CPT1A: variants seen among roughly 807,000 people sequenced by gnomAD.
CPT1A encodes carnitine O-palmitoyltransferase 1, liver isoform.
CPT1A carries 64 observed loss-of-function variants against 100.8 expected under a neutral mutation model. The observed-to-expected ratio is 0.63, with a 90% CI of 0.52 to 0.78. The LOEUF (loss-of-function observed/expected upper bound fraction) is 0.78, where lower values mean the gene tolerates loss of function less well. CPT1A is among the 30% of genes least tolerant of loss of function. The pLI is 0.00. For missense variants in CPT1A, 802 were observed against 1,034.1 expected, an observed-to-expected ratio of 0.78 and a Z score of 3.08; for synonymous variants, 363 against 396.0, an observed-to-expected ratio of 0.92 and a Z score of 0.99.
intron 1 of CPT1A, among the ~76,000 whole-genome samples, chr11:68,816,505 G>A (rs889524900): frequency 9.9e-5 from 15 of 152,104 alleles, no homozygotes; most frequent in Admixed American, 9.8e-4. Flanking sequence ...AACTGCTTCC[G>A]GATCTGCTAC....
chr11:68,796,325 G>A (rs938990136), intron 7 of CPT1A, among the ~76,000 whole-genome samples: 2 of 152,074 alleles, frequency 1.3e-5, no homozygotes, highest in African/African-American at 4.8e-5. Context: ...GGGAGGCTGA[G>A]GCAAGTGGAT....
chr11:68,778,356 A>G lies in CPT1A; in HGVS notation c.1458+2284T>C, dbSNP rs1855197934. Among the ~76,000 whole-genome samples, 3 of 152,120 alleles carry G rather than the reference A, an allele frequency of 2.0e-5. No individual in the cohort carries two copies. In the South Asian group the frequency reaches 6.2e-4, roughly 32 times the overall value. On this transcript the variant is annotated intron_variant, in intron 12 of 18. Transcript: ENST00000265641. Reference sequence around the variant, plus strand: ...GAAAAGCCTTCCAGGCAGAGAGGAGAGTGAGTGCGAAGACTTTGCAAGAAA... The same window carrying G: ...GAAAAGCCTTCCAGGCAGAGAGGAGGGTGAGTGCGAAGACTTTGCAAGAAA...
chr11:68,840,823 G>C (rs1391851517), intron 1 of CPT1A, among the ~76,000 whole-genome samples: 1 of 152,244 alleles, frequency 6.6e-6, no homozygotes, highest in Non-Finnish European at 1.5e-5. Flanking sequence ...GCGTGGCCCT[G>C]ACCGCACCGT....
rs568429298 is a variant in CPT1A at position 68,807,871 on chromosome 11, G to A, written c.282-233C>T. ...CCGAAAGTAGCTGGCAGACCCAGGC[G>A]CCCGGGGCGGGCCTGTTTGCTCTCT... On this transcript the variant is annotated intron_variant, in intron 3 of 18. Coordinates refer to ENST00000265641, the MANE Select transcript of CPT1A (RefSeq NM_001876.4). 3.9e-5 allele frequency among the ~76,000 whole-genome samples: 6 copies of A among 152,370 alleles called. No homozygotes were observed. The South Asian group carries it at 8.3e-4, about 21-fold the overall frequency.
intron 12 of CPT1A, among the ~76,000 whole-genome samples, 166 bp from the exon 13 acceptor site, chr11:68,775,598 A>C (rs900652033): frequency 6.6e-6 from 1 of 152,196 alleles, no homozygotes; most frequent in African/African-American, 2.4e-5. Flanking sequence ...TCTGATCTCC[A>C]TGTCAGATGT....
At position 68,757,219 on chromosome 11, in the gene CPT1A, TC is replaced by T. The variant is rs1946709028; in HGVS notation, c.*424del. ...GACACCAACTTGAATAACACATTTT[TC>T]TTTTAACAAAACAAAAGTTTACCCT... On this transcript the variant is annotated 3_prime_UTR_variant, in exon 19 of 19. Coordinates refer to ENST00000265641, the MANE Select transcript of CPT1A (RefSeq NM_001876.4). The T allele has an allele frequency of 1.9e-5, 16 of 862,950 alleles. No individual in the cohort carries two copies. Among genetic ancestry groups the T allele is most frequent in the Non-Finnish European group, 2.3e-5 (16 of 694,056 alleles). 53.5% of individuals were successfully genotyped at this position (862,950 alleles called of 1,614,324 possible). A position where few individuals can be genotyped will look rare whatever the true frequency, so the allele number is the denominator to read the frequency against.
intron 14 of CPT1A, among the ~76,000 whole-genome samples, chr11:68,771,768 G>A (rs575664463): frequency 5.3e-4 from 81 of 152,322 alleles, no homozygotes; most frequent in African/African-American, 1.9e-3. Flanking sequence ...TAGGTGGAGA[G>A]AGCATAGACT....
chr11:68,815,384 T>A lies in CPT1A; in HGVS notation c.91A>T (p.Ile31Phe). ...LRLSHEALRQ[I>F]YLSGLHSWKK... Reference sequence around the variant, plus strand: ...CAGGAATGAAGTCCAGAGAGATAGATTTGTCTAAGAGCTTCATGGCTCAGC... The same window carrying A: ...CAGGAATGAAGTCCAGAGAGATAGAATTGTCTAAGAGCTTCATGGCTCAGC... The change falls in exon 2 of 19, where the codon ATC becomes TTC. Residue 31 changes from isoleucine to phenylalanine, a missense_variant. Transcript: ENST00000265641. 6.2e-7 allele frequency: 1 copy of A among 1,614,116 alleles called. No homozygotes were observed.
intron 1 of CPT1A, among the ~76,000 whole-genome samples, chr11:68,838,494 CAAAG>C (rs1161716040): frequency 1.1e-4 from 15 of 138,380 alleles, no homozygotes; most frequent in African/African-American, 3.5e-4. Flanking sequence ...TACATGTCGT[CAAAG>C]AAACTGGTAA....
chr11:68,806,478 A>T (rs1199776721), intron 4 of CPT1A, among the ~76,000 whole-genome samples: 2 of 151,954 alleles, frequency 1.3e-5, no homozygotes, highest in African/African-American at 4.8e-5. Flanking sequence ...AAATATAAAA[A>T]TTAGTCAGCC....
chr11:68,775,950 T>C (rs184097729), intron 12 of CPT1A, among the ~76,000 whole-genome samples: 15 of 152,328 alleles, frequency 9.8e-5, no homozygotes, highest in African/African-American at 3.1e-4. Flanking sequence ...TTATTCATAA[T>C]AGCCAAAGAG....
chr11:68,836,850 GGGAAGGAAGGAA>G (rs150561761), intron 1 of CPT1A, among the ~76,000 whole-genome samples: 14 of 150,630 alleles, frequency 9.3e-5, no homozygotes, highest in South Asian at 2.1e-4. Flanking sequence ...AGAAAAGAAA[GGGAAGGAAGGAA>G]GGAAGGAAGG....
chr11:68,827,660 G>T (rs1856765204), intron 1 of CPT1A, among the ~76,000 whole-genome samples: 1 of 152,002 alleles, frequency 6.6e-6, no homozygotes, highest in South Asian at 2.1e-4. Flanking sequence ...GAGATTACAG[G>T]TGCCCAGCCC....
At chr11:68,838,374 G>A (rs1269894159) in intron 1 of CPT1A, among the ~76,000 whole-genome samples, 1 of 151,914 alleles carries the variant, frequency 6.6e-6, no homozygotes. Context: ...CTGACATTTG[G>A]ATGGGGTAAA....
intron 9 of CPT1A, among the ~76,000 whole-genome samples, chr11:68,792,498 A>T (rs1457119160): frequency 6.6e-6 from 1 of 152,158 alleles, no homozygotes; most frequent in African/African-American, 2.4e-5. Context: ...GCACCTGGGG[A>T]AATGGAGGCC....
intron 2 of CPT1A, 49 bp downstream of exon 2, chr11:68,815,285 T>A (rs1474828550): frequency 1.3e-6 from 2 of 1,595,296 alleles, no homozygotes; most frequent in East Asian, 4.5e-5. Context: ...AGCCCCGTTC[T>A]TAGATATTAA....
At chr11:68,797,080 C>A in intron 6 of CPT1A, 147 bp from the exon 7 acceptor site, 1 of 735,640 alleles carries the variant, frequency 1.4e-6, no homozygotes, top group Non-Finnish European at 2.4e-6. Context: ...GAACAGGGAA[C>A]GCAGTCCTAA....
chr11:68,807,944 A>G (rs1856095346), intron 3 of CPT1A, among the ~76,000 whole-genome samples: 1 of 152,192 alleles, frequency 6.6e-6, no homozygotes, highest in Non-Finnish European at 1.5e-5. Context: ...CTCGAAACCA[A>G]CCAGGGCTAA....
rs770912592 is a variant in CPT1A, at chr11:68,757,737, T to C, written c.2236-7A>G. Reference sequence around the variant, plus strand: ...TTCCAAAGCGATGAGAATCCTTTCATGTAAAAACAAAAACCAAAAACCTAT... The same window carrying C: ...TTCCAAAGCGATGAGAATCCTTTCACGTAAAAACAAAAACCAAAAACCTAT... On this transcript the variant is annotated splice_polypyrimidine_tract_variant and splice_region_variant and intron_variant, in intron 18 of 18. Transcript: ENST00000265641. 3 of 1,613,474 alleles carry C rather than the reference T, an allele frequency of 1.9e-6. No individual in the cohort carries two copies. The highest frequency in any genetic ancestry group is 2.5e-6 in the Non-Finnish European group (3 of 1,179,808).
Sources: allele counts gnomAD v4.1 joint callset (sites outside exome capture counted in the v4.1 genomes callset), GRCh38; gene constraint gnomAD v4.1.1; transcripts MANE v1.5; gene names NCBI Gene and HGNC (gene_info 2026-07-23, HGNC 2026-07-21).